ZNF423: variants seen among roughly 807,000 people sequenced by gnomAD.
ZNF423 encodes zinc finger protein 423.
In ZNF423, 12 loss-of-function variants were observed where a neutral mutation model predicts 95.8. That is an observed-to-expected ratio of 0.13 (90% CI 0.08 to 0.20). ZNF423 has a LOEUF of 0.20. ZNF423 is among the 10% of genes least tolerant of loss of function. The pLI is 1.00. For synonymous variants in ZNF423, 749 were observed against 711.9 expected (o/e 1.05, Z -0.83); for missense variants, 1,316 against 1,737.1 (o/e 0.76, Z 4.31).
At chr16:49,622,905 T>C (rs1050748317) in intron 5 of ZNF423, among the ~76,000 whole-genome samples, 1 of 152,108 alleles carries the variant, frequency 6.6e-6, no homozygotes, top group African/African-American at 2.4e-5. Flanking sequence ...CTATGTGCAG[T>C]GTCTTCTATG....
At chr16:49,806,357 C>A (rs898042145) in intron 1 of ZNF423, among the ~76,000 whole-genome samples, 2 of 152,252 alleles carry the variant, frequency 1.3e-5, no homozygotes, top group Admixed American at 1.3e-4. Context: ...TACAGAGGAC[C>A]CACATCTGCC....
In ZNF423 at chr16:49,601,181, C is replaced by T. The variant is rs547310637; in HGVS notation, c.3601+24989G>A. Among the ~76,000 whole-genome samples, 4 of 152,258 alleles carry T rather than the reference C, an allele frequency of 2.6e-5. No homozygotes were observed. The South Asian group carries it at 8.3e-4, about 32-fold the overall frequency. ...GAACCCGGCTCCCTCTAGGTAGATG[C>T]TCCAAATTGGGGACAATGTGGCATG... On this transcript the variant is annotated intron_variant, in intron 5 of 7. Coordinates refer to ENST00000563137, the MANE Select transcript of ZNF423 (RefSeq NM_001379286.1).
At chr16:49,707,206 G>A (rs1165104366) in intron 3 of ZNF423, among the ~76,000 whole-genome samples, 6 of 151,910 alleles carry the variant, frequency 3.9e-5, no homozygotes, top group African/African-American at 1.5e-4. Context: ...GCTTCCCCAG[G>A]GCCTTTGCAC....
chr16:49,536,868 T>G (rs966955449), intron 5 of ZNF423, among the ~76,000 whole-genome samples: 2 of 152,240 alleles, frequency 1.3e-5, no homozygotes, highest in African/African-American at 4.8e-5. Flanking sequence ...TGTGTTAGAA[T>G]ACAGGCAAGG....
rs2035130511 is a variant in ZNF423 at position 49,837,259 on chromosome 16, G to T, written c.40+18476C>A. Among the ~76,000 whole-genome samples, 2 of 152,146 alleles carry T rather than the reference G, an allele frequency of 1.3e-5. 1 individual carries two copies. The highest frequency in any genetic ancestry group is 4.1e-4 in the South Asian group (2 of 4,828). ...TTGGAAAGGAGCAGCCTGCCTGCCA[G>T]CTGGACACAGGCCCTGCTACACGTG... On this transcript the variant is annotated intron_variant, in intron 1 of 7. Transcript: ENST00000563137.
At chr16:49,650,087 C>A (rs1164236599) in intron 3 of ZNF423, among the ~76,000 whole-genome samples, 4 of 152,212 alleles carry the variant, frequency 2.6e-5, no homozygotes, top group Non-Finnish European at 5.9e-5. Context: ...AGAGACTGAC[C>A]AGGCCTGCCC....
chr16:49,668,451 T>G (rs574585983), intron 3 of ZNF423, among the ~76,000 whole-genome samples: 2 of 152,304 alleles, frequency 1.3e-5, no homozygotes, highest in Admixed American at 1.3e-4. Flanking sequence ...GCAGCATTGT[T>G]GAGACCCCAG....
rs1262948217 is a variant in ZNF423 at position 49,533,886 on chromosome 16, A to G, written c.3602-8392T>C. 2.6e-5 allele frequency among the ~76,000 whole-genome samples: 4 copies of G among 152,292 alleles called. No homozygotes were observed. The South Asian group carries it at 6.2e-4, about 24-fold the overall frequency. ...GAATATGAAGCATGACCCCCGGCAC[A>G]GTGGCTTACACCTGTAATTCCAGGA... On this transcript the variant is annotated intron_variant, in intron 5 of 7. Coordinates refer to ENST00000563137, the MANE Select transcript of ZNF423 (RefSeq NM_001379286.1).
intron 2 of ZNF423, among the ~76,000 whole-genome samples, chr16:49,761,168 C>T (rs372711124): frequency 1.3e-5 from 2 of 152,164 alleles, no homozygotes; most frequent in East Asian, 1.9e-4. Context: ...ACCTGGGTCT[C>T]CCCAGCAATA....
chr16:49,852,269 T>C (rs1168970555), intron 1 of ZNF423, among the ~76,000 whole-genome samples: 4 of 152,194 alleles, frequency 2.6e-5, no homozygotes, highest in Non-Finnish European at 5.9e-5. Context: ...GGACATAGCC[T>C]GAGCGCTAAT....
At chr16:49,662,331 G>A (rs1310531499) in intron 3 of ZNF423, among the ~76,000 whole-genome samples, 3 of 152,144 alleles carry the variant, frequency 2.0e-5, no homozygotes, top group Non-Finnish European at 4.4e-5. Context: ...ATCTCCTGAT[G>A]AGCCCCAAAG....
chr16:49,645,834 T>G (rs1973152154), intron 3 of ZNF423, among the ~76,000 whole-genome samples: 1 of 152,192 alleles, frequency 6.6e-6, no homozygotes, highest in Admixed American at 6.5e-5. Context: ...ATGGTTGTAT[T>G]AAGGGGCTTC....
chr16:49,539,786 G>A (rs943321248), intron 5 of ZNF423, among the ~76,000 whole-genome samples: 5 of 152,002 alleles, frequency 3.3e-5, no homozygotes, highest in East Asian at 1.9e-4. Context: ...AAACACAGTC[G>A]CCCAGAAATC....
Position 49,754,698 on chromosome 16 carries a change from A to G in ZNF423, c.101-23727T>C, listed in dbSNP as rs186800607. Among the ~76,000 whole-genome samples the G allele has an allele frequency of 2.2e-3, 330 of 152,362 alleles. 1 individual carries two copies. The highest frequency in any genetic ancestry group is 7.5e-3 in the African/African-American group (310 of 41,578). ...CCGGAGAAGCCGCCTGCATTTCTCAATCACTAGAGATGTATTTGCACCTCA... is the reference window on the plus strand; with the variant it reads ...CCGGAGAAGCCGCCTGCATTTCTCAGTCACTAGAGATGTATTTGCACCTCA... On this transcript the variant is annotated intron_variant, in intron 2 of 7. Coordinates refer to ENST00000563137, the MANE Select transcript of ZNF423 (RefSeq NM_001379286.1).
Position 49,636,077 on chromosome 16 carries a change from G to A in ZNF423, c.3099C>T (p.Cys1033=), listed in dbSNP as rs772683449. The A allele has an allele frequency of 1.4e-5, 23 of 1,613,920 alleles. No homozygotes were observed. The African/African-American group carries it at 2.4e-4, about 17-fold the overall frequency. The change falls in exon 4 of 8, where the codon TGC becomes TGT. Residue 1033 remains cysteine (C), a synonymous_variant. Coordinates refer to ENST00000563137, the MANE Select transcript of ZNF423 (RefSeq NM_001379286.1). The surrounding 1 kb of genome is among the most constrained non-coding windows in gnomAD (Gnocchi z 8.6). ...NSLTGFRCVV[C]MQTVTSTLEL... Reference sequence around the variant, plus strand: ...CAAGCGTGGAAGTGACTGTCTGCATGCAGACCACACAGCGGAAGCCCGTGA... The same window carrying A: ...CAAGCGTGGAAGTGACTGTCTGCATACAGACCACACAGCGGAAGCCCGTGA...
intron 1 of ZNF423, among the ~76,000 whole-genome samples, chr16:49,827,650 G>A (rs1244901017): frequency 6.6e-6 from 1 of 152,044 alleles, no homozygotes; most frequent in Non-Finnish European, 1.5e-5. Context: ...CGAGTAGCTG[G>A]GACTACAGGC....
intron 5 of ZNF423, among the ~76,000 whole-genome samples, chr16:49,610,055 A>C (rs1971672764): frequency 1.3e-5 from 2 of 152,220 alleles, no homozygotes. Context: ...CTGAATAAAA[A>C]AGAACTGTCA....
intron 7 of ZNF423, among the ~76,000 whole-genome samples, chr16:49,508,556 G>C (rs60726930): frequency 0.21 from 29,986 of 141,202 alleles, 3,157 homozygotes; most frequent in African/African-American, 0.29. Context: ...AGAATATAGA[G>C]AACCCTCTAA....
At position 49,490,876 on chromosome 16, in the gene ZNF423, G is replaced by GA. The variant is rs2151639647; in HGVS notation, c.*398_*399insT. 7.5e-6 allele frequency: 1 copy of GA among 132,810 alleles called. No individual in the cohort carries two copies. Among genetic ancestry groups the GA allele is most frequent in the Non-Finnish European group, 1.4e-5 (1 of 72,408 alleles). 8.2% of individuals were successfully genotyped at this position (132,810 alleles called of 1,614,324 possible). A position where few individuals can be genotyped will look rare whatever the true frequency, so the allele number is the denominator to read the frequency against. ...AAGTAGTTAACCGAAGGGGGTGGGG[G>GA]GTGGGGGGGAAGAAAAACAAGAAAG... On this transcript the variant is annotated 3_prime_UTR_variant, in exon 8 of 8. Coordinates refer to ENST00000563137, the MANE Select transcript of ZNF423 (RefSeq NM_001379286.1).
Sources: gnomAD v4.1 joint callset for allele counts (sites outside exome capture counted in the v4.1 genomes callset) on GRCh38, gnomAD v4.1.1 for gene constraint, Gnocchi (gnomAD v3.1) non-coding constraint, MANE v1.5 for transcripts, NCBI Gene and HGNC (gene_info 2026-07-23, HGNC 2026-07-21) for gene names.